The following GNA12 variants were observed in gnomAD, a reference collection of about 807,000 sequenced individuals.
GNA12 encodes the protein G protein subunit alpha 12.
Under a neutral mutation model 26.0 loss-of-function variants are expected in GNA12, and 9 were observed. The observed-to-expected ratio is 0.35, with a 90% confidence interval of 0.21 to 0.60. The LOEUF is 0.60. GNA12 is among the 20% of genes least tolerant of loss of function. GNA12 has a pLI of 0.78. For missense variants in GNA12, 405 were observed against 525.8 expected (o/e 0.77, Z 2.25); for synonymous variants, 264 against 219.6 (o/e 1.20, Z -1.79).
At chr7:2,818,482 G>C (rs541824026) in intron 1 of GNA12, among the ~76,000 whole-genome samples, 1 of 151,300 alleles carries the variant, frequency 6.6e-6, no homozygotes, top group Non-Finnish European at 1.5e-5. Flanking sequence ...AGAACAGGAA[G>C]CCTGGTGCGG....
At chr7:2,806,710 T>C (rs569436383) in intron 1 of GNA12, among the ~76,000 whole-genome samples, 2 of 152,322 alleles carry the variant, frequency 1.3e-5, no homozygotes, top group Admixed American at 6.5e-5. Context: ...CACTTTCCTA[T>C]GTCATTCAAG....
intron 2 of GNA12, among the ~76,000 whole-genome samples, chr7:2,748,786 T>G (rs1227366331): frequency 3.3e-5 from 5 of 151,900 alleles, no homozygotes; most frequent in Admixed American, 2.0e-4. Flanking sequence ...ATATCCAGAA[T>G]CTACAATGAA....
intron 1 of GNA12, among the ~76,000 whole-genome samples, chr7:2,803,299 G>A (rs745325321): frequency 5.9e-5 from 9 of 152,222 alleles, no homozygotes; most frequent in Non-Finnish European, 1.2e-4. Flanking sequence ...GACAGGCTGT[G>A]GAGAGCTAAG....
chr7:2,732,373 C>T (rs1562390978), intron 3 of GNA12, among the ~76,000 whole-genome samples: 1 of 152,046 alleles, frequency 6.6e-6, no homozygotes, highest in Non-Finnish European at 1.5e-5. Flanking sequence ...ATAGTAAAAC[C>T]CCATATTTAC....
At chr7:2,809,174 C>T (rs191667557) in intron 1 of GNA12, among the ~76,000 whole-genome samples, 50 of 152,282 alleles carry the variant, frequency 3.3e-4, no homozygotes, top group African/African-American at 1.2e-3. Context: ...CTCTCCCCAC[C>T]GAGCACAAGC....
chr7:2,759,520 G>C (rs554684489), intron 2 of GNA12, among the ~76,000 whole-genome samples: 1 of 152,336 alleles, frequency 6.6e-6, no homozygotes, highest in East Asian at 1.9e-4. Flanking sequence ...AAAAAGACAA[G>C]TAAAAGGAAA....
chr7:2,764,170 T>G lies in GNA12; in HGVS notation c.526-30669A>C, dbSNP rs532769319. Among the ~76,000 whole-genome samples, 70 of 151,858 alleles carry G rather than the reference T, an allele frequency of 4.6e-4. 1 individual carries two copies. Among genetic ancestry groups the G allele is most frequent in the African/African-American group, 1.3e-3 (52 of 41,382 alleles). ...ACTGCAGCCTCAAACTGAAGTGGGC[T>G]CAAGTGATCCTCCTGCCTCAGCCTC... On this transcript the variant is annotated intron_variant, in intron 2 of 3. Transcript: ENST00000275364.
At chr7:2,770,785 C>T (rs918556636) in intron 2 of GNA12, among the ~76,000 whole-genome samples, 15 of 152,156 alleles carry the variant, frequency 9.9e-5, no homozygotes, top group Middle Eastern at 3.2e-3. Flanking sequence ...CCACGTAGGA[C>T]GATTACAAAT....
Position 2,824,215 on chromosome 7 carries a change from G to A in GNA12, c.309+19638C>T, listed in dbSNP as rs368958532. On this transcript the variant is annotated intron_variant, in intron 1 of 3. Coordinates refer to ENST00000275364, the MANE Select transcript of GNA12 (RefSeq NM_007353.3). ...CGTCCACCTGGTCTCCCTCAGTGAG[G>A]GTGGCCAGGGCAACCCCGTGAATGT... is the stretch of plus-strand genomic sequence containing the variant. 3.0e-4 allele frequency among the ~76,000 whole-genome samples: 46 copies of A among 152,242 alleles called. No individual in the cohort carries two copies. In the East Asian group the frequency reaches 8.5e-3, roughly 28 times the overall value.
At chr7:2,794,839 C>G (rs1792617927) in intron 2 of GNA12, 89 bp downstream of exon 2, 1 of 950,844 alleles carries the variant, frequency 1.1e-6, no homozygotes, top group South Asian at 1.4e-5. Context: ...GACTGTTACA[C>G]AGTTTTTAAG....
chr7:2,818,736 G>A (rs529108106), intron 1 of GNA12, among the ~76,000 whole-genome samples: 29 of 150,622 alleles, frequency 1.9e-4, no homozygotes, highest in Non-Finnish European at 3.8e-4. Flanking sequence ...ACACTCCAGC[G>A]TGGGTGACAG....
chr7:2,801,822 G>A (rs780226811), intron 1 of GNA12, among the ~76,000 whole-genome samples: 2 of 152,082 alleles, frequency 1.3e-5, no homozygotes, highest in Non-Finnish European at 2.9e-5. Flanking sequence ...TTCTACTTGG[G>A]GACATTTGGC....
At chr7:2,757,270 G>A (rs1287839469) in intron 2 of GNA12, among the ~76,000 whole-genome samples, 2 of 48 alleles carry the variant, frequency 0.042, no homozygotes, top group African/African-American at 0.062. Context: ...CAAGTAGCTG[G>A]GACCGCAGCG....
chr7:2,816,535 A>C (rs1462176253), intron 1 of GNA12, among the ~76,000 whole-genome samples: 2 of 152,214 alleles, frequency 1.3e-5, no homozygotes, highest in Admixed American at 1.3e-4. Context: ...CCAGCCTAGC[A>C]AATCCATTTT....
In GNA12 at chr7:2,729,188, T is replaced by G. The variant is rs1789759585; in HGVS notation, c.*1993A>C. 6.6e-6 allele frequency: 1 copy of G among 152,390 alleles called. No individual in the cohort carries two copies. Among genetic ancestry groups the G allele is most frequent in the African/African-American group, 2.4e-5 (1 of 41,470 alleles). The allele number at this position is 152,390 out of a possible 1,614,324, so 9.4% of individuals were successfully genotyped here. The stretch of plus-strand genomic sequence containing the variant: ...GCGGAGGACCCGCTTGCACTTCCTC[T>G]GGGCTCTGGATTCTAACACACACAG... On this transcript the variant is annotated 3_prime_UTR_variant, in exon 4 of 4. Transcript: ENST00000275364.
chr7:2,742,498 C>A (rs950557342), intron 2 of GNA12, among the ~76,000 whole-genome samples: 2 of 152,216 alleles, frequency 1.3e-5, no homozygotes, highest in East Asian at 1.9e-4. Context: ...TCATCGCTGT[C>A]CACATGGACT....
At position 2,731,575 on chromosome 7, in the gene GNA12, A is replaced by G. The variant is rs1239815747; in HGVS notation, c.752T>C (p.Met251Thr). The G allele has an allele frequency of 6.2e-7, 1 of 1,613,010 alleles. No individual in the cohort carries two copies. Among genetic ancestry groups the G allele is most frequent in the Non-Finnish European group, 8.5e-7 (1 of 1,179,286 alleles). Residue 251 changes from methionine (M) to threonine (T), a missense_variant, in exon 4 of 4, where the codon ATG (methionine) becomes ACG (threonine). Transcript: ENST00000275364. This position sits in a 1 kb window ranked among gnomAD's most constrained non-coding sequence, Gnocchi z 6.0. The stretch of plus-strand genomic sequence containing the variant: ...CTGGTCGTACTCGCTGGAGGAGACC[A>G]TGAACAGGATGGACGTGATCCCGTC... ...CFDGITSILF[M>T]VSSSEYDQVL...
chr7:2,751,747 G>C (rs1791050158), intron 2 of GNA12, among the ~76,000 whole-genome samples: 1 of 152,210 alleles, frequency 6.6e-6, no homozygotes. Context: ...TATGCTAACA[G>C]ATTGGACATC....
chr7:2,753,391 T>TCCTCCTGCTTTTGG (rs59648923), intron 2 of GNA12, among the ~76,000 whole-genome samples: 1 of 151,806 alleles, frequency 6.6e-6, no homozygotes, highest in Non-Finnish European at 1.5e-5. Context: ...GCTCAAGCCA[T>TCCTCCTGCTTTTGG]CCTCCCAAAG....
Sources: gnomAD v4.1 joint callset for allele counts (sites outside exome capture counted in the v4.1 genomes callset) on GRCh38, gnomAD v4.1.1 for gene constraint, Gnocchi (gnomAD v3.1) non-coding constraint, MANE v1.5 for transcripts, NCBI Gene and HGNC (gene_info 2026-07-23, HGNC 2026-07-21) for gene names.